The following FRMD4A variants were observed in gnomAD, a reference collection of about 807,000 sequenced individuals.
FRMD4A encodes the protein FERM domain-containing protein 4A.
FRMD4A carries 29 observed loss-of-function variants against 129.1 expected under a neutral mutation model. The ratio of observed to expected loss-of-function variants is 0.22; its 90% CI spans 0.17 to 0.31. The LOEUF (loss-of-function observed/expected upper bound fraction) is 0.31. Among genes scored for constraint, FRMD4A ranks in the 10% least tolerant of loss-of-function variants. The pLI is 1.00. For synonymous variants in FRMD4A, 634 were observed against 571.6 expected (o/e 1.11, Z -1.56); for missense variants, 1,272 against 1,375.8 (o/e 0.92, Z 1.19).
intron 8 of FRMD4A, among the ~76,000 whole-genome samples, chr10:13,752,624 C>T (rs530609945): frequency 3.9e-5 from 6 of 152,132 alleles, no homozygotes; most frequent in African/African-American, 7.2e-5. Flanking sequence ...GTGATACTAT[C>T]GTAACAGAAA....
chr10:13,745,033 T>C (rs1370859342), intron 9 of FRMD4A, among the ~76,000 whole-genome samples: 3 of 152,236 alleles, frequency 2.0e-5, no homozygotes, highest in African/African-American at 7.2e-5. Context: ...CAATAATTTG[T>C]TGCATATGTC....
At chr10:13,848,063 G>A (rs989056861) in intron 3 of FRMD4A, among the ~76,000 whole-genome samples, 1 of 152,116 alleles carries the variant, frequency 6.6e-6, no homozygotes, top group African/African-American at 2.4e-5. Context: ...TTGCAGAACT[G>A]CATTGTGAGT....
Position 14,314,669 on chromosome 10 carries a change from T to C in FRMD4A, c.45+15389A>G, listed in dbSNP as rs544998431. ...CACTGTCAACATCTACACCCACTCA[T>C]ATTTTTCATGTTGCAATCTCTCTGA... On this transcript the variant is annotated intron_variant, in intron 2 of 24. Coordinates refer to ENST00000357447, the MANE Select transcript of FRMD4A (RefSeq NM_018027.5). 1.1e-4 allele frequency among the ~76,000 whole-genome samples: 17 copies of C among 152,318 alleles called. No homozygotes were observed. The South Asian group carries it at 3.5e-3, about 32-fold the overall frequency.
At chr10:14,045,998 A>G (rs1023220779) in intron 2 of FRMD4A, among the ~76,000 whole-genome samples, 6 of 150,270 alleles carry the variant, frequency 4.0e-5, no homozygotes, top group African/African-American at 1.2e-4. Flanking sequence ...AATGTTATAC[A>G]TATGTATTCA....
At chr10:13,863,109 A>G (rs928067697) in intron 2 of FRMD4A, among the ~76,000 whole-genome samples, 11 of 152,162 alleles carry the variant, frequency 7.2e-5, no homozygotes, top group African/African-American at 2.7e-4. Context: ...GCCCAAGCAG[A>G]GGCCTGCCAA....
intron 2 of FRMD4A, among the ~76,000 whole-genome samples, chr10:13,898,086 C>T (rs900835548): frequency 2.0e-5 from 3 of 150,930 alleles, no homozygotes; most frequent in African/African-American, 7.3e-5. Context: ...AGATTGATGA[C>T]AAGAGGCTGG....
rs1842409219 is a variant in FRMD4A at position 14,194,361 on chromosome 10, A to G, written c.45+135697T>C. On this transcript the variant is annotated intron_variant, in intron 2 of 24. Transcript: ENST00000357447. ...TGCAGTGGTTCAGGCCTGTAATCCC[A>G]GCACTTTGAGAGGCCGAGGCGGGCG... 4.6e-5 allele frequency among the ~76,000 whole-genome samples: 7 copies of G among 152,342 alleles called. No homozygotes were observed. In the South Asian group the frequency reaches 1.4e-3, roughly 32 times the overall value.
chr10:14,304,202 C>T (rs1316971998), intron 2 of FRMD4A, among the ~76,000 whole-genome samples: 1 of 152,182 alleles, frequency 6.6e-6, no homozygotes, highest in Non-Finnish European at 1.5e-5. Flanking sequence ...TTTTGAGGAA[C>T]TGCCATATCG....
intron 2 of FRMD4A, among the ~76,000 whole-genome samples, chr10:13,872,428 C>T (rs898356468): frequency 6.6e-6 from 1 of 152,248 alleles, no homozygotes; most frequent in African/African-American, 2.4e-5. Flanking sequence ...CATCCTGTGG[C>T]ACCCGCACTC....
chr10:14,249,589 A>T (rs1416111857), intron 2 of FRMD4A, among the ~76,000 whole-genome samples: 2 of 152,178 alleles, frequency 1.3e-5, no homozygotes, highest in Non-Finnish European at 2.9e-5. Flanking sequence ...AGCATCCATA[A>T]CAATGTCTAT....
intron 2 of FRMD4A, among the ~76,000 whole-genome samples, chr10:14,027,353 C>G (rs781289341): frequency 1.3e-5 from 2 of 152,132 alleles, no homozygotes; most frequent in Non-Finnish European, 2.9e-5. Context: ...TAAAAACAGT[C>G]AATGCGGCCG....
rs2082789359 is a variant in FRMD4A, at chr10:13,663,457, C to T, written c.1656G>A (p.Glu552=). The change falls in exon 19 of 25, where the codon GAG becomes GAA. Residue 552 remains glutamate (E), a synonymous_variant. Coordinates refer to ENST00000357447, the MANE Select transcript of FRMD4A (RefSeq NM_018027.5). The part of the protein sequence containing the change: ...DSSLSDALVL[E]DEDSQVTSTI... ...GCAGGAAATGCATAAACCTACCATC[C>T]TCAAGAACAAGGGCATCTGAGAGGG... 2 of 1,513,170 alleles carry T rather than the reference C, an allele frequency of 1.3e-6. No homozygotes were observed. The highest frequency in any genetic ancestry group is 3.3e-5 in the Admixed American group (2 of 59,904). The allele number at this position is 1,513,170 out of a possible 1,614,324, so 93.7% of individuals were successfully genotyped here.
At chr10:13,730,859 C>CAAAAAAAAAAAAAAAA (rs10639026) in intron 12 of FRMD4A, among the ~76,000 whole-genome samples, 75 of 90,702 alleles carry the variant, frequency 8.3e-4, no homozygotes, top group East Asian at 1.4e-3. Context: ...ACTAAAAATA[C>CAAAAAAAAAAAAAAAA]AAAAAAAAAA....
Position 13,796,415 on chromosome 10 carries a change from T to G in FRMD4A, c.299+81A>C. On this transcript the variant is annotated intron_variant, in intron 5 of 24. Transcript: ENST00000357447. ...AACCAAGACAAACTTGAGCTCTCTT[T>G]CCTTGGAATCACTCTGCCCTCCCAG... The G allele has an allele frequency of 1.0e-5, 8 of 763,908 alleles. 1 individual carries two copies. The South Asian group carries it at 1.2e-4, about 11-fold the overall frequency. 47.3% of individuals were successfully genotyped at this position (763,908 alleles called of 1,614,324 possible).
chr10:13,921,368 C>T (rs1371897409), intron 2 of FRMD4A, among the ~76,000 whole-genome samples: 2 of 151,830 alleles, frequency 1.3e-5, no homozygotes, highest in East Asian at 1.9e-4. Flanking sequence ...CTCAAGTGAT[C>T]CTCCCACTTC....
At chr10:14,106,556 G>C (rs1019923530) in intron 2 of FRMD4A, among the ~76,000 whole-genome samples, 2 of 152,094 alleles carry the variant, frequency 1.3e-5, no homozygotes, top group African/African-American at 2.4e-5. Flanking sequence ...ATCAGGACTA[G>C]AGTTTTACAC....
At chr10:13,912,474 C>T (rs757873564) in intron 2 of FRMD4A, among the ~76,000 whole-genome samples, 23 of 151,672 alleles carry the variant, frequency 1.5e-4, no homozygotes, top group Non-Finnish European at 3.1e-4. Context: ...AAATGTCCAT[C>T]CGCTGATGAA....
chr10:13,690,641 G>C (rs79345149), intron 15 of FRMD4A, among the ~76,000 whole-genome samples: 2,561 of 152,282 alleles, frequency 0.017, 32 homozygotes, highest in African/African-American at 0.032. Context: ...GAGTCATGGG[G>C]CTTTCTCACC....
At chr10:14,000,645 T>TAAAAAAA (rs2095638693) in intron 2 of FRMD4A, among the ~76,000 whole-genome samples, 1 of 1,502 alleles carries the variant, frequency 6.7e-4, no homozygotes, top group Non-Finnish European at 2.8e-3. Context: ...AGACGCCACC[T>TAAAAAAA]CAAAAAAAAA....
Sources: gnomAD v4.1 joint callset for allele counts (sites outside exome capture counted in the v4.1 genomes callset) on GRCh38, gnomAD v4.1.1 for gene constraint, MANE v1.5 for transcripts, NCBI Gene and HGNC (gene_info 2026-07-23, HGNC 2026-07-21) for gene names.